Variants in MBTD1 observed in about 807,000 individuals in gnomAD.
MBTD1 encodes mbt domain containing 1, also known as MBT domain-containing protein 1.
In MBTD1, 24 loss-of-function variants were observed where a neutral mutation model predicts 87.8. The ratio of observed to expected loss-of-function variants is 0.27; its 90% CI spans 0.20 to 0.38. The LOEUF is 0.38. MBTD1 is among the 10% of genes least tolerant of loss of function. MBTD1 has a pLI of 1.00. For synonymous variants in MBTD1, 237 were observed against 248.6 expected, an observed-to-expected ratio of 0.95 and a Z score of 0.44; for missense variants, 436 against 760.2, an observed-to-expected ratio of 0.57 and a Z score of 5.02.
At chr17:51,241,207 CAT>C (rs1242604690) in intron 2 of MBTD1, among the ~76,000 whole-genome samples, 9 of 152,152 alleles carry the variant, frequency 5.9e-5, no homozygotes, top group African/African-American at 2.2e-4. Flanking sequence ...CTCCTGGCCT[CAT>C]GTGATCCTCC....
chr17:51,244,809 G>A (rs1399343754), intron 2 of MBTD1, among the ~76,000 whole-genome samples: 3 of 152,010 alleles, frequency 2.0e-5, no homozygotes, highest in Admixed American at 1.3e-4. Flanking sequence ...TGCTGCTCCA[G>A]CCCTGAAATC....
chr17:51,237,259 G>A, intron 2 of MBTD1, among the ~76,000 whole-genome samples: 1 of 137,818 alleles, frequency 7.3e-6, no homozygotes. Context: ...TCGTGCCATT[G>A]CACTCCAGCC....
intron 2 of MBTD1, among the ~76,000 whole-genome samples, chr17:51,246,790 C>A (rs1468837952): frequency 5.3e-5 from 8 of 151,896 alleles, no homozygotes; most frequent in Non-Finnish European, 1.2e-4. Flanking sequence ...CACGTATCAC[C>A]ACACCCAGAT....
intron 2 of MBTD1, among the ~76,000 whole-genome samples, chr17:51,230,731 T>A (rs2053502351): frequency 9.1e-6 from 1 of 109,304 alleles, no homozygotes; most frequent in Admixed American, 9.0e-5. Context: ...GTGAAAGGTA[T>A]GGGAGAGGTC....
chr17:51,208,454 T>C (rs2051981017), intron 6 of MBTD1, among the ~76,000 whole-genome samples: 2 of 152,204 alleles, frequency 1.3e-5, no homozygotes, highest in Non-Finnish European at 2.9e-5. Flanking sequence ...CCCTATATCA[T>C]TCTAGACTGT....
chr17:51,259,896 C>G lies in MBTD1; in HGVS notation c.-174G>C. On this transcript the variant is annotated 5_prime_UTR_variant, in exon 1 of 17. Transcript: ENST00000586178. ...AGGGGTTGTCCGTGCTCCCCGAGCC[C>G]GCGGCGCCCCCTCCCCGGGCTGGGG... 8.1e-7 allele frequency: 1 copy of G among 1,231,924 alleles called. No homozygotes were observed. Among genetic ancestry groups the G allele is most frequent in the Non-Finnish European group, 1.0e-6 (1 of 987,848 alleles). 76.3% of individuals were successfully genotyped at this position (1,231,924 alleles called of 1,614,324 possible).
chr17:51,213,923 G>GA (rs75278328), intron 6 of MBTD1, among the ~76,000 whole-genome samples: 8,596 of 126,606 alleles, frequency 0.068, 411 homozygotes, highest in African/African-American at 0.15. Context: ...GTAAAGAAAA[G>GA]AAAAAAAAAA....
chr17:51,259,992 C>G lies in MBTD1; in HGVS notation c.-270G>C. The stretch of plus-strand genomic sequence containing the variant: ...GCTGGGCCCAGACCGGTGGCGGGTG[C>G]AGCAGCCCCCGGATTTCCCCCCTTT... On this transcript the variant is annotated 5_prime_UTR_variant, in exon 1 of 17. Coordinates refer to ENST00000586178, the MANE Select transcript of MBTD1 (RefSeq NM_017643.3). 4.7e-6 allele frequency: 3 copies of G among 644,378 alleles called. No individual in the cohort carries two copies. The highest frequency in any genetic ancestry group is 6.6e-6 in the Non-Finnish European group (3 of 451,662). 39.9% of individuals were successfully genotyped at this position (644,378 alleles called of 1,614,324 possible).
intron 2 of MBTD1, among the ~76,000 whole-genome samples, chr17:51,229,761 C>T (rs778206101): frequency 4.0e-5 from 6 of 151,258 alleles, no homozygotes; most frequent in African/African-American, 7.3e-5. Flanking sequence ...CCTGGGTTCA[C>T]GCCATTCTCC....
chr17:51,237,647 C>G (rs944030926), intron 2 of MBTD1, among the ~76,000 whole-genome samples: 3 of 152,104 alleles, frequency 2.0e-5, no homozygotes. Context: ...ATTAGAATGA[C>G]TAAAATTTAT....
At position 51,178,078 on chromosome 17, in the gene MBTD1, C is replaced by T. The variant is rs1368142268; in HGVS notation, c.*2498G>A. ...AAAGAGTTTAAACTACCAAAAGTCC[C>T]CAAATAAATCCTAACAGGAAAAACA... On this transcript the variant is annotated 3_prime_UTR_variant, in exon 17 of 17. Transcript: ENST00000586178. 6.6e-6 allele frequency: 1 copy of T among 152,094 alleles called. No homozygotes were observed. Among genetic ancestry groups the T allele is most frequent in the African/African-American group, 2.4e-5 (1 of 41,412 alleles). The allele number at this position is 152,094 out of a possible 1,614,324, so 9.4% of individuals were successfully genotyped here. A position where few individuals can be genotyped will look rare whatever the true frequency, so the allele number is the denominator to read the frequency against.
At chr17:51,206,489 C>T (rs560268087) in intron 7 of MBTD1, among the ~76,000 whole-genome samples, 1 of 152,038 alleles carries the variant, frequency 6.6e-6, no homozygotes, top group Admixed American at 6.6e-5. Flanking sequence ...TGGTCTATTG[C>T]TGGATTATTT....
intron 3 of MBTD1, among the ~76,000 whole-genome samples, chr17:51,223,100 G>T (rs910682719): frequency 5.3e-5 from 8 of 151,776 alleles, no homozygotes; most frequent in African/African-American, 1.9e-4. Context: ...CACCGCACCT[G>T]GCCACGCTAT....
At chr17:51,240,152 T>A (rs2054083185) in intron 2 of MBTD1, among the ~76,000 whole-genome samples, 1 of 152,206 alleles carries the variant, frequency 6.6e-6, no homozygotes, top group Non-Finnish European at 1.5e-5. Flanking sequence ...AGACTTTATT[T>A]TTTGAGAAGT....
chr17:51,189,450 G>A (rs1037331370), intron 16 of MBTD1, among the ~76,000 whole-genome samples: 11 of 152,286 alleles, frequency 7.2e-5, no homozygotes, highest in African/African-American at 2.6e-4. Context: ...CAGAACTCTA[G>A]TAATGGTAAA....
chr17:51,234,317 C>T (rs1336028711), intron 2 of MBTD1, among the ~76,000 whole-genome samples: 2 of 146,056 alleles, frequency 1.4e-5, no homozygotes, highest in African/African-American at 5.1e-5. Flanking sequence ...CGCTTGAACC[C>T]GGGAGACAGA....
At chr17:51,257,989 T>C (rs527940618) in intron 2 of MBTD1, among the ~76,000 whole-genome samples, 77 of 145,926 alleles carry the variant, frequency 5.3e-4, no homozygotes, top group African/African-American at 1.8e-3. Context: ...CTACTTGTTA[T>C]TCAGAGAAGG....
chr17:51,230,444 C>T (rs1555692491), intron 2 of MBTD1, among the ~76,000 whole-genome samples: 1 of 151,924 alleles, frequency 6.6e-6, no homozygotes, highest in Non-Finnish European at 1.5e-5. Flanking sequence ...GAAAAGCATG[C>T]AAAGCAGACA....
intron 14 of MBTD1, 107 bp from the exon 15 acceptor site, chr17:51,193,123 T>C: frequency 1.3e-6 from 1 of 742,234 alleles, no homozygotes; most frequent in Non-Finnish European, 2.3e-6. Flanking sequence ...AATAACATAA[T>C]TATAAACCAT....
Sources: gnomAD v4.1 joint callset for allele counts (sites outside exome capture counted in the v4.1 genomes callset) on GRCh38, gnomAD v4.1.1 for gene constraint, MANE v1.5 for transcripts, NCBI Gene and HGNC (gene_info 2026-07-23, HGNC 2026-07-21) for gene names.